CFAP251: variants seen among roughly 807,000 people sequenced by gnomAD.
The protein encoded by CFAP251 is cilia and flagella associated protein 251.
A neutral mutation model predicts 126.7 loss-of-function variants in CFAP251; 93 were observed. The ratio of observed to expected loss-of-function variants is 0.73; its 90% CI spans 0.62 to 0.87. The LOEUF is 0.87. Among genes scored for constraint, CFAP251 ranks in the 40% least tolerant of loss-of-function variants. The pLI, the probability that CFAP251 is intolerant of heterozygous loss-of-function variation, is 0.00. For missense variants in CFAP251, 1,287 were observed against 1,389.2 expected, an observed-to-expected ratio of 0.93 and a Z score of 1.17; for synonymous variants, 503 against 506.9, an observed-to-expected ratio of 0.99 and a Z score of 0.10.
chr12:121,939,194 T>G (rs1314633612), intron 5 of CFAP251, among the ~76,000 whole-genome samples: 5 of 152,194 alleles, frequency 3.3e-5, no homozygotes, highest in Non-Finnish European at 7.3e-5. Context: ...CAAATCTGAT[T>G]GTGTTGCCAC....
chr12:121,938,166 G>A (rs1880964005), intron 5 of CFAP251, among the ~76,000 whole-genome samples: 1 of 151,070 alleles, frequency 6.6e-6, no homozygotes, highest in African/African-American at 2.4e-5. Context: ...CACTGAGCCT[G>A]GCTAATTTTT....
intron 21 of CFAP251, 129 bp from the exon 22 acceptor site, chr12:122,003,523 T>G: frequency 1.6e-6 from 1 of 639,316 alleles, no homozygotes; most frequent in Non-Finnish European, 2.7e-6. Flanking sequence ...CAGTGAGCTA[T>G]GATCGTGTCA....
chr12:121,971,756 G>A, intron 17 of CFAP251: 1 of 626,864 alleles, frequency 1.6e-6, no homozygotes, highest in Non-Finnish European at 2.9e-6. Flanking sequence ...CAATCTTTGT[G>A]ATATGGTTTG....
intron 21 of CFAP251, chr12:122,002,029 C>T (rs903905627): frequency 2.8e-5 from 6 of 212,772 alleles, no homozygotes; most frequent in Admixed American, 2.5e-4. Context: ...TTGAGACTGG[C>T]CTGGGCAACA....
intron 12 of CFAP251, 145 bp from the exon 13 acceptor site, chr12:121,958,798 C>G: frequency 9.3e-7 from 1 of 1,079,406 alleles, no homozygotes; most frequent in Non-Finnish European, 1.3e-6. Flanking sequence ...CCCAGGAGAT[C>G]ACGCGTTTCG....
Position 121,934,269 on chromosome 12 carries a change from G to A in CFAP251, c.911G>A (p.Cys304Tyr). 2 of 1,613,920 alleles carry A rather than the reference G, an allele frequency of 1.2e-6. No homozygotes were observed. Among genetic ancestry groups the A allele is most frequent in the Non-Finnish European group, 8.5e-7 (1 of 1,179,966 alleles). ...HLQGHANIISCLCVSEDRRWI... is the reference protein window; with the variant it reads ...HLQGHANIISYLCVSEDRRWI... ...TAGGGCCACGCCAATATTATCTCCT[G>A]CCTCTGCGTCAGTGAAGACAGGCGG... is the stretch of plus-strand genomic sequence containing the variant. The change falls in exon 5 of 22, where the codon TGC becomes TAC. Residue 304 changes from cysteine (C) to tyrosine (Y), a missense_variant. Cys to Tyr is a radical substitution (Grantham distance 194). Transcript: ENST00000288912.
At chr12:121,935,754 G>A (rs1363349067) in intron 5 of CFAP251, among the ~76,000 whole-genome samples, 2 of 152,218 alleles carry the variant, frequency 1.3e-5, no homozygotes, top group African/African-American at 4.8e-5. Context: ...TCCAGGTGGT[G>A]AGGGGAGGTT....
chr12:122,000,080 G>T (rs1324790124), intron 20 of CFAP251, 136 bp downstream of exon 20: 2 of 793,982 alleles, frequency 2.5e-6, no homozygotes. Flanking sequence ...AGCCATGAGG[G>T]GTCTGGCTGA....
At chr12:121,953,187 C>T (rs1039537519) in intron 9 of CFAP251, 2 of 152,206 alleles carry the variant, frequency 1.3e-5, no homozygotes, top group Non-Finnish European at 2.9e-5. Flanking sequence ...CACTAGCCAG[C>T]ACTTCAGCAC....
chr12:121,925,579 C>T (rs554992881), intron 3 of CFAP251, among the ~76,000 whole-genome samples: 1 of 152,226 alleles, frequency 6.6e-6, no homozygotes, highest in African/African-American at 2.4e-5. Flanking sequence ...CTCTCTCCCA[C>T]AGCTTGCAAC....
intron 19 of CFAP251, among the ~76,000 whole-genome samples, chr12:121,980,384 G>A (rs985032227): frequency 2.0e-5 from 3 of 150,702 alleles, no homozygotes; most frequent in African/African-American, 7.3e-5. Context: ...CAAAAAGTGG[G>A]CCCCTCTTCA....
At chr12:121,941,023 T>A (rs1881089717) in intron 5 of CFAP251, among the ~76,000 whole-genome samples, 1 of 152,178 alleles carries the variant, frequency 6.6e-6, no homozygotes, top group Admixed American at 6.5e-5. Context: ...TTTCTATTTT[T>A]TATTTTTATG....
intron 21 of CFAP251, among the ~76,000 whole-genome samples, chr12:122,002,307 A>G (rs1296176876): frequency 6.6e-6 from 1 of 151,936 alleles, no homozygotes; most frequent in Non-Finnish European, 1.5e-5. Context: ...GTGAGCCGAG[A>G]TCACACCATT....
chr12:121,999,825 C>T lies in CFAP251; in HGVS notation c.3116C>T (p.Pro1039Leu). The T allele has an allele frequency of 6.2e-7, 1 of 1,614,126 alleles. No individual in the cohort carries two copies. The highest frequency in any genetic ancestry group is 1.3e-5 in the African/African-American group (1 of 75,016). The change falls in exon 20 of 22, where the codon CCA (proline) becomes CTA (leucine). Residue 1039 changes from proline (P) to leucine (L), a missense_variant. Physicochemically the swap from Pro to Leu is moderately conservative, Grantham distance 98. Coordinates refer to ENST00000288912, the MANE Select transcript of CFAP251 (RefSeq NM_144668.6). ...CTAAAAGTGTACCTTAACCACAAGC[C>T]ACCTTTTGGTAACACCATGAGTGGC... ...DFLKVYLNHK[P>L]PFGNTMSGIH...
chr12:121,937,278 A>G (rs1488439563), intron 5 of CFAP251, among the ~76,000 whole-genome samples: 1 of 152,006 alleles, frequency 6.6e-6, no homozygotes, highest in Admixed American at 6.6e-5. Flanking sequence ...CATCCCTCCA[A>G]TCTCTGCCGC....
chr12:121,946,229 A>C (rs1417258456), intron 7 of CFAP251, among the ~76,000 whole-genome samples: 1 of 152,220 alleles, frequency 6.6e-6, no homozygotes, highest in Admixed American at 6.5e-5. Context: ...ACGTATCAGT[A>C]GTGTATTCCT....
chr12:121,975,960 G>A (rs745696304), intron 19 of CFAP251, among the ~76,000 whole-genome samples: 11 of 151,798 alleles, frequency 7.2e-5, no homozygotes, highest in Admixed American at 3.3e-4. Context: ...TGGGGCTGCC[G>A]TCTCAGCCCT....
intron 5 of CFAP251, among the ~76,000 whole-genome samples, chr12:121,935,800 C>T (rs780169864): frequency 3.3e-5 from 5 of 152,174 alleles, no homozygotes; most frequent in Admixed American, 6.5e-5. Flanking sequence ...GGAGCTGGGT[C>T]CGGAAGGCCG....
chr12:121,947,075 A>G (rs957866682), intron 7 of CFAP251, among the ~76,000 whole-genome samples: 1 of 152,050 alleles, frequency 6.6e-6, no homozygotes, highest in African/African-American at 2.4e-5. Flanking sequence ...CCAATTACAT[A>G]TACGTTAGAC....
Sources: gnomAD v4.1 joint callset for allele counts (sites outside exome capture counted in the v4.1 genomes callset) on GRCh38, gnomAD v4.1.1 for gene constraint, MANE v1.5 for transcripts, NCBI Gene and HGNC (gene_info 2026-07-23, HGNC 2026-07-21) for gene names.